GPC3: variants seen among roughly 807,000 people sequenced by gnomAD.
The protein encoded by GPC3 is glypican-3.
A neutral mutation model predicts 34.4 loss-of-function variants in GPC3; 3 were observed. The observed-to-expected ratio is 0.09, with a 90% CI of 0.04 to 0.23. GPC3 has a LOEUF of 0.23. Ranked by LOEUF, GPC3 falls within the 10% of genes least tolerant of loss-of-function variation. The pLI is 1.00. For synonymous variants in GPC3, 177 were observed against 174.0 expected (o/e 1.02, Z -0.13); for missense variants, 351 against 445.6 (o/e 0.79, Z 1.91).
intron 7 of GPC3, among the ~76,000 whole-genome samples, chrX:133,559,091 C>CT (rs887303699): frequency 3.7e-5 from 4 of 108,016 alleles, no homozygotes; most frequent in African/African-American, 1.3e-4. Context: ...TTCTTTCTTT[C>CT]TTTTTTTTTC....
intron 2 of GPC3, among the ~76,000 whole-genome samples, chrX:133,861,675 C>T (rs995035002): frequency 9.0e-6 from 1 of 110,886 alleles, no homozygotes; most frequent in African/African-American, 3.3e-5. Flanking sequence ...GAGGACACAT[C>T]CCTCAATGGC....
intron 1 of GPC3, among the ~76,000 whole-genome samples, chrX:133,981,259 C>T (rs1038619752): frequency 9.0e-6 from 1 of 111,679 alleles, no homozygotes; most frequent in Non-Finnish European, 1.9e-5. Flanking sequence ...TCCTGGGAAG[C>T]CTGTTTACTT....
intron 2 of GPC3, among the ~76,000 whole-genome samples, chrX:133,788,651 T>C (rs2072131161): frequency 9.2e-6 from 1 of 108,479 alleles, no homozygotes. Flanking sequence ...GTTGGGCAAA[T>C]TGCTTTTGAT....
chrX:133,791,777 C>G (rs953925380), intron 2 of GPC3, among the ~76,000 whole-genome samples: 1 of 109,692 alleles, frequency 9.1e-6, no homozygotes, highest in Non-Finnish European at 1.9e-5. Context: ...CTCCACCCTG[C>G]TTTCCTTTTT....
At chrX:133,957,116 A>AGG (rs2076420042) in intron 1 of GPC3, among the ~76,000 whole-genome samples, 3 of 111,752 alleles carry the variant, frequency 2.7e-5, no homozygotes, top group Non-Finnish European at 5.6e-5. Context: ...TGATATCCAA[A>AGG]TATAAGTGGA....
chrX:133,749,433 C>CCAGCGA (rs1473179773), intron 3 of GPC3, among the ~76,000 whole-genome samples: 2 of 111,402 alleles, frequency 1.8e-5, no homozygotes, highest in Non-Finnish European at 3.8e-5. Flanking sequence ...AGTGGTGCTG[C>CCAGCGA]CAGCGACAAC....
chrX:133,912,983 G>A (rs1346497013), intron 2 of GPC3, among the ~76,000 whole-genome samples: 1 of 108,031 alleles, frequency 9.3e-6, no homozygotes, highest in African/African-American at 3.4e-5. Context: ...GAACCCGGGA[G>A]GTAGAGGTTG....
intron 7 of GPC3, among the ~76,000 whole-genome samples, chrX:133,583,240 C>T (rs1269173991): frequency 9.0e-6 from 1 of 111,473 alleles, no homozygotes; most frequent in Non-Finnish European, 1.9e-5. Context: ...ATGTTTACAT[C>T]ATAAAAATTT....
chrX:133,893,528 G>T (rs2076097695), intron 2 of GPC3, among the ~76,000 whole-genome samples: 1 of 110,285 alleles, frequency 9.1e-6, no homozygotes, highest in Admixed American at 9.7e-5. Context: ...TTTTAATAAG[G>T]CCACATTCAA....
chrX:133,620,942 A>G (rs952031866), intron 6 of GPC3, among the ~76,000 whole-genome samples: 1 of 111,374 alleles, frequency 9.0e-6, no homozygotes, highest in Non-Finnish European at 1.9e-5. Flanking sequence ...ATATCTCCCT[A>G]AAATACATAA....
rs1322084499 is a variant in GPC3 at position 133,872,235 on chromosome X, AT to A, written c.337+80814del. On this transcript the variant is annotated intron_variant, in intron 2 of 7. Transcript: ENST00000370818. ...TTTCAAGTACTCATAAACCCCATGT[AT>A]TTTTTTTTTCTCTGAGGTTCGGGCT... Among the ~76,000 whole-genome samples the A allele has an allele frequency of 5.0e-3, 541 of 108,265 alleles. 2 individuals carry two copies. The highest frequency in any genetic ancestry group is 8.1e-3 in the Non-Finnish European group (419 of 51,865). 94.0% of individuals were successfully genotyped at this position (108,265 alleles called of 115,157 possible).
chrX:133,827,621 A>G (rs2075754256), intron 2 of GPC3, among the ~76,000 whole-genome samples: 1 of 111,031 alleles, frequency 9.0e-6, no homozygotes, highest in Admixed American at 9.6e-5. Flanking sequence ...TGTCTCTACC[A>G]AAAATACAAA....
At chrX:133,790,356 C>T (rs1429506816) in intron 2 of GPC3, among the ~76,000 whole-genome samples, 1 of 89,359 alleles carries the variant, frequency 1.1e-5, no homozygotes, top group Non-Finnish European at 2.1e-5. Context: ...TGATCATTTC[C>T]TCTGGAGATT....
chrX:133,968,155 G>A (rs2076472519), intron 1 of GPC3, among the ~76,000 whole-genome samples: 2 of 112,319 alleles, frequency 1.8e-5, no homozygotes, highest in South Asian at 7.4e-4. Flanking sequence ...ACCCCAGGCT[G>A]CTGGGCTGCC....
chrX:133,758,948 G>A (rs1017327868), intron 2 of GPC3, among the ~76,000 whole-genome samples: 9 of 110,958 alleles, frequency 8.1e-5, no homozygotes, highest in Non-Finnish European at 1.5e-4. Context: ...CATGCTTAAC[G>A]GTGAGCAACT....
intron 2 of GPC3, among the ~76,000 whole-genome samples, chrX:133,937,081 A>G (rs915433524): frequency 4.5e-5 from 5 of 110,535 alleles, no homozygotes; most frequent in Non-Finnish European, 7.6e-5. Context: ...GGGGCAGTAG[A>G]AATTATCTGG....
At chrX:133,648,143 C>G (rs996728667) in intron 6 of GPC3, among the ~76,000 whole-genome samples, 3 of 112,162 alleles carry the variant, frequency 2.7e-5, no homozygotes, top group Admixed American at 1.9e-4. Context: ...AGGGACAAAG[C>G]GGTTCTCATC....
intron 6 of GPC3, among the ~76,000 whole-genome samples, chrX:133,599,286 T>C (rs2069954351): frequency 8.9e-6 from 1 of 112,105 alleles, no homozygotes; most frequent in Non-Finnish European, 1.9e-5. Context: ...TTTAATAAAA[T>C]TAGTAACTTT....
At chrX:133,635,877 A>C (rs1279182503) in intron 6 of GPC3, among the ~76,000 whole-genome samples, 2 of 110,957 alleles carry the variant, frequency 1.8e-5, no homozygotes, top group Non-Finnish European at 3.8e-5. Flanking sequence ...CCATTCAAAT[A>C]GAGGCTGTCT....
Sources: allele counts gnomAD v4.1 joint callset (sites outside exome capture counted in the v4.1 genomes callset), GRCh38; gene constraint gnomAD v4.1.1; transcripts MANE v1.5; gene names NCBI Gene and HGNC (gene_info 2026-07-23, HGNC 2026-07-21).